Variants in CAMK1D observed in about 807,000 individuals in gnomAD.
The protein encoded by CAMK1D is calcium/calmodulin-dependent protein kinase type 1D.
A neutral mutation model predicts 47.7 loss-of-function variants in CAMK1D; 9 were observed. The ratio of observed to expected loss-of-function variants is 0.19; its 90% CI spans 0.11 to 0.33. The LOEUF (loss-of-function observed/expected upper bound fraction) is 0.33, where lower values mean the gene tolerates loss of function less well. Ranked by LOEUF, CAMK1D falls within the 10% of genes least tolerant of loss-of-function variation. The probability of loss-of-function intolerance (pLI) is 1.00; values close to 1 mark genes in which losing one functional copy is unlikely to be tolerated. For missense variants in CAMK1D, 291 were observed against 488.7 expected, an observed-to-expected ratio of 0.60 and a Z score of 3.81; for synonymous variants, 184 against 184.9, an observed-to-expected ratio of 0.99 and a Z score of 0.04.
intron 6 of CAMK1D, among the ~76,000 whole-genome samples, chr10:12,811,082 T>C (rs1398918303): frequency 6.6e-6 from 1 of 152,204 alleles, no homozygotes; most frequent in Non-Finnish European, 1.5e-5. Context: ...TGGAGGTGAA[T>C]TGCCTTGATT....
chr10:12,654,911 G>C (rs551234757), intron 2 of CAMK1D, among the ~76,000 whole-genome samples: 1 of 152,298 alleles, frequency 6.6e-6, no homozygotes, highest in African/African-American at 2.4e-5. Flanking sequence ...AATCACTGGA[G>C]AAACTATAAA....
intron 1 of CAMK1D, among the ~76,000 whole-genome samples, chr10:12,428,293 C>T (rs1662505595): frequency 6.6e-6 from 1 of 152,106 alleles, no homozygotes; most frequent in African/African-American, 2.4e-5. Flanking sequence ...TGCCTAGAAT[C>T]CCTGCTGGCT....
At chr10:12,590,881 C>T (rs1837975572) in intron 2 of CAMK1D, among the ~76,000 whole-genome samples, 1 of 152,182 alleles carries the variant, frequency 6.6e-6, no homozygotes, top group Admixed American at 6.5e-5. Context: ...GAACCAGCCA[C>T]CCACTTACTT....
Position 12,731,685 on chromosome 10 carries a change from G to A in CAMK1D, c.300-29263G>A, listed in dbSNP as rs1197025658. ...TCTAAGGGAGCAAGAGGGAGCAAGA[G>A]AGAGCATCGAGTTGGCAGGTAATAG... On this transcript the variant is annotated intron_variant, in intron 3 of 10. Coordinates refer to ENST00000619168, the MANE Select transcript of CAMK1D (RefSeq NM_153498.4). Among the ~76,000 whole-genome samples, 11 of 152,234 alleles carry A rather than the reference G, an allele frequency of 7.2e-5. 1 individual carries two copies. The highest frequency in any genetic ancestry group is 2.4e-4 in the African/African-American group (10 of 41,462).
chr10:12,516,027 C>A (rs928683927), intron 1 of CAMK1D, among the ~76,000 whole-genome samples: 1 of 152,158 alleles, frequency 6.6e-6, no homozygotes, highest in Non-Finnish European at 1.5e-5. Context: ...TGTTCCTTTT[C>A]GTTGCTGAAT....
At position 12,824,495 on chromosome 10, in the gene CAMK1D, C is replaced by T. The variant is rs916157316; in HGVS notation, c.864C>T (p.Asn288=). The T allele has an allele frequency of 3.7e-6, 6 of 1,614,018 alleles. No homozygotes were observed. In the African/African-American group the frequency reaches 8.0e-5, roughly 22 times the overall value. ...CTGGTGACACAGCCCTCAACAAAAA[C>T]ATCCACGAGTCCGTCAGCGCCCAGA... ...WIAGDTALNK[N]IHESVSAQIR... The change falls in exon 9 of 11, where the codon AAC becomes AAT. Residue 288 remains asparagine, a synonymous_variant. Transcript: ENST00000619168.
intron 2 of CAMK1D, among the ~76,000 whole-genome samples, chr10:12,554,778 A>T (rs1177726827): frequency 6.6e-6 from 1 of 151,924 alleles, no homozygotes; most frequent in Non-Finnish European, 1.5e-5. Context: ...TCCTGGCCTC[A>T]AGCAGTCCTC....
intron 2 of CAMK1D, among the ~76,000 whole-genome samples, chr10:12,592,459 T>C (rs1287412922): frequency 6.6e-6 from 1 of 152,216 alleles, no homozygotes; most frequent in Non-Finnish European, 1.5e-5. Context: ...GAGACTGTTT[T>C]ATGTGTCAGT....
chr10:12,354,646 G>A (rs1055646281), intron 1 of CAMK1D, among the ~76,000 whole-genome samples: 2 of 151,674 alleles, frequency 1.3e-5, no homozygotes, highest in African/African-American at 2.4e-5. Flanking sequence ...TCCTGACCTC[G>A]TGATCCGCCT....
At chr10:12,484,910 C>T (rs1588540459) in intron 1 of CAMK1D, among the ~76,000 whole-genome samples, 1 of 152,060 alleles carries the variant, frequency 6.6e-6, no homozygotes, top group Admixed American at 6.5e-5. Context: ...CATGGTGTGC[C>T]CCGCAGAAAT....
intron 5 of CAMK1D, among the ~76,000 whole-genome samples, chr10:12,779,620 A>G (rs1167658299): frequency 1.3e-5 from 2 of 152,236 alleles, no homozygotes; most frequent in Middle Eastern, 3.4e-3. Flanking sequence ...TTGTAGAGAC[A>G]GGGTCTCACT....
intron 1 of CAMK1D, among the ~76,000 whole-genome samples, chr10:12,474,358 A>AT (rs1209633755): frequency 4.6e-5 from 7 of 151,708 alleles, no homozygotes; most frequent in Non-Finnish European, 1.0e-4. Context: ...CGCCTGCCTA[A>AT]TTTTTTATGT....
chr10:12,806,598 G>A (rs1321413954), intron 6 of CAMK1D, among the ~76,000 whole-genome samples: 2 of 152,188 alleles, frequency 1.3e-5, no homozygotes, highest in African/African-American at 4.8e-5. Flanking sequence ...GGGCCTAACC[G>A]TGTTGAGGCT....
At chr10:12,443,584 A>G (rs1187602923) in intron 1 of CAMK1D, among the ~76,000 whole-genome samples, 4 of 152,146 alleles carry the variant, frequency 2.6e-5, no homozygotes, top group African/African-American at 7.2e-5. Context: ...AAGAATGGCT[A>G]TTCCATAGAG....
intron 2 of CAMK1D, among the ~76,000 whole-genome samples, chr10:12,601,831 T>C (rs962801011): frequency 2.6e-5 from 4 of 152,214 alleles, no homozygotes; most frequent in Non-Finnish European, 5.9e-5. Context: ...TCTTCTCCCC[T>C]GCAGAATCGT....
intron 2 of CAMK1D, among the ~76,000 whole-genome samples, chr10:12,665,931 G>A (rs1251603741): frequency 6.6e-6 from 1 of 152,250 alleles, no homozygotes; most frequent in African/African-American, 2.4e-5. Context: ...TTTGAGCAGC[G>A]CTGGTCTAAC....
rs556877496 is a variant in CAMK1D at position 12,520,373 on chromosome 10, C to T, written c.93-32852C>T. Reference sequence around the variant, plus strand: ...GCTCCTCACTTCCTAGTTGGGATGGCGGCCGGGCAGAGACGCTCCTCACTT... The same window carrying T: ...GCTCCTCACTTCCTAGTTGGGATGGTGGCCGGGCAGAGACGCTCCTCACTT... On this transcript the variant is annotated intron_variant, in intron 1 of 10. Transcript: ENST00000619168. Among the ~76,000 whole-genome samples the T allele has an allele frequency of 5.4e-3, 521 of 97,080 alleles. 114 individuals carry two copies. The highest frequency in any genetic ancestry group is 0.024 in the Middle Eastern group (5 of 212). 63.7% of individuals were successfully genotyped at this position (97,080 alleles called of 152,430 possible).
At chr10:12,752,599 A>T (rs920192478) in intron 3 of CAMK1D, among the ~76,000 whole-genome samples, 43 of 152,214 alleles carry the variant, frequency 2.8e-4, no homozygotes, top group African/African-American at 8.9e-4. Flanking sequence ...AAATAAAAAA[A>T]ATATATACAT....
Position 12,547,431 on chromosome 10 carries a change from CT to C in CAMK1D, c.93-5793del, listed in dbSNP as rs141761740. 8.4e-4 allele frequency among the ~76,000 whole-genome samples: 128 copies of C among 152,282 alleles called. 3 individuals are homozygous for C. The East Asian group carries it at 0.021, about 25-fold the overall frequency. ...AATATGATTCAGTCTGGCTGGAGTG[CT>C]CCATCGTTCAGCTTTAAATGCACAG... is the stretch of plus-strand genomic sequence containing the variant. On this transcript the variant is annotated intron_variant, in intron 1 of 10. Transcript: ENST00000619168.
Sources: allele counts gnomAD v4.1 joint callset (sites outside exome capture counted in the v4.1 genomes callset), GRCh38; gene constraint gnomAD v4.1.1; transcripts MANE v1.5; gene names NCBI Gene and HGNC (gene_info 2026-07-23, HGNC 2026-07-21).